RGS7: variants seen among roughly 807,000 people sequenced by gnomAD.
RGS7 encodes regulator of G protein signaling 7, also known as regulator of G-protein signaling 7.
A neutral mutation model predicts 81.1 loss-of-function variants in RGS7; 27 were observed. The observed-to-expected ratio is 0.33, with a 90% CI of 0.25 to 0.46. RGS7 has a LOEUF of 0.46. RGS7 is among the 20% of genes least tolerant of loss of function. RGS7 has a pLI of 1.00. For synonymous variants in RGS7, 208 were observed against 207.7 expected (o/e 1.00, Z -0.01); for missense variants, 396 against 607.4 (o/e 0.65, Z 3.66).
At chr1:241,046,769 TATCATCTGTAGACAGATG>T (rs894639442) in intron 3 of RGS7, among the ~76,000 whole-genome samples, 11 of 152,198 alleles carry the variant, frequency 7.2e-5, no homozygotes, top group African/African-American at 2.7e-4. Context: ...ATGCCATATA[TATCATCTGTAGACAGATG>T]ATTTTTCTGC....
At chr1:241,327,563 T>A (rs1315687221) in intron 2 of RGS7, among the ~76,000 whole-genome samples, 1 of 152,150 alleles carries the variant, frequency 6.6e-6, no homozygotes, top group Non-Finnish European at 1.5e-5. Context: ...AGTAGCAGCA[T>A]CAAGAACTAG....
intron 18 of RGS7, among the ~76,000 whole-genome samples, chr1:240,786,277 T>C (rs752095916): frequency 1.1e-4 from 17 of 152,182 alleles, no homozygotes; most frequent in Non-Finnish European, 1.6e-4. Context: ...GATACATGTT[T>C]AAAATTTTTT....
At chr1:240,947,441 G>A (rs577380556) in intron 4 of RGS7, among the ~76,000 whole-genome samples, 21 of 152,010 alleles carry the variant, frequency 1.4e-4, no homozygotes, top group Non-Finnish European at 2.4e-4. Flanking sequence ...CACTCTTCTC[G>A]CAGTTCTTCT....
At chr1:241,030,859 G>A (rs1572360090) in intron 3 of RGS7, among the ~76,000 whole-genome samples, 1 of 152,166 alleles carries the variant, frequency 6.6e-6, no homozygotes, top group Admixed American at 6.6e-5. Context: ...GCTGTGATCA[G>A]GCGATGGTAG....
chr1:240,861,745 T>TG (rs1687587535), intron 9 of RGS7, among the ~76,000 whole-genome samples: 1 of 152,098 alleles, frequency 6.6e-6, no homozygotes, highest in African/African-American at 2.4e-5. Context: ...AATTTTTTTT[T>TG]GTTCTTGCTT....
intron 3 of RGS7, among the ~76,000 whole-genome samples, chr1:240,983,644 G>A (rs1685246985): frequency 6.6e-6 from 1 of 152,122 alleles, no homozygotes. Flanking sequence ...CTATTTTTAA[G>A]ACACTCAAGA....
rs1304753830 is a variant in RGS7, at chr1:240,977,013, C to CTCTATCATTTATCTATCTATCA, written c.226+6044_226+6065dup. On this transcript the variant is annotated intron_variant, in intron 4 of 18. Coordinates refer to ENST00000440928, the MANE Select transcript of RGS7 (RefSeq NM_001364886.1). ...CATTTATCTATCATCTATCATTTAT[C>CTCTATCATTTATCTATCTATCA]TCTATCATTTATCTATCTATCATCT... Among the ~76,000 whole-genome samples the CTCTATCATTTATCTATCTATCA allele has an allele frequency of 1.2e-3, 180 of 148,140 alleles. 2 individuals carry two copies. The highest frequency in any genetic ancestry group is 4.3e-3 in the African/African-American group (165 of 38,346).
intron 14 of RGS7, among the ~76,000 whole-genome samples, chr1:240,809,190 A>G (rs1330004201): frequency 6.6e-6 from 1 of 152,190 alleles, no homozygotes; most frequent in Non-Finnish European, 1.5e-5. Context: ...GCTCAAAAAA[A>G]AGAATGAGGG....
At chr1:241,237,854 G>C (rs1949682) in intron 2 of RGS7, among the ~76,000 whole-genome samples, 38,411 of 152,092 alleles carry the variant, frequency 0.25, 4,955 homozygotes, top group South Asian at 0.34. Context: ...TTACTGTGTT[G>C]TAGAATCCTT....
At chr1:241,265,439 C>A (rs1020009364) in intron 2 of RGS7, among the ~76,000 whole-genome samples, 3 of 44,594 alleles carry the variant, frequency 6.7e-5, no homozygotes, top group Non-Finnish European at 1.4e-4. Flanking sequence ...CAAGAAGATA[C>A]AGAGGAAGGT....
chr1:240,952,921 C>T (rs1679802041), intron 4 of RGS7, among the ~76,000 whole-genome samples: 1 of 151,874 alleles, frequency 6.6e-6, no homozygotes, highest in African/African-American at 2.4e-5. Flanking sequence ...TTAGGCAAGG[C>T]AGACTTCATA....
At chr1:240,925,116 C>A (rs261866) in intron 6 of RGS7, among the ~76,000 whole-genome samples, 86,265 of 151,724 alleles carry the variant, frequency 0.57, 24,647 homozygotes, top group Middle Eastern at 0.66. Context: ...TTCTTTTTTT[C>A]AATAATAATT....
intron 3 of RGS7, among the ~76,000 whole-genome samples, chr1:240,996,720 C>T (rs751472097): frequency 2.6e-5 from 4 of 152,096 alleles, no homozygotes; most frequent in Admixed American, 2.6e-4. Flanking sequence ...TTGGGGATAG[C>T]ATGTAGTTGA....
At chr1:241,212,185 C>T (rs1257965668) in intron 2 of RGS7, among the ~76,000 whole-genome samples, 1 of 151,698 alleles carries the variant, frequency 6.6e-6, no homozygotes, top group Non-Finnish European at 1.5e-5. Context: ...ATAACAAATA[C>T]ACATGTAATA....
chr1:240,860,809 C>G (rs1249234249), intron 9 of RGS7, among the ~76,000 whole-genome samples: 1 of 152,088 alleles, frequency 6.6e-6, no homozygotes, highest in African/African-American at 2.4e-5. Flanking sequence ...AGAATCAATT[C>G]TATATCCCAA....
chr1:241,192,050 G>A (rs902022586), intron 2 of RGS7, among the ~76,000 whole-genome samples: 5 of 152,194 alleles, frequency 3.3e-5, no homozygotes, highest in Middle Eastern at 3.2e-3. Flanking sequence ...GAGCAGAGGC[G>A]GGGCCAAACT....
intron 3 of RGS7, among the ~76,000 whole-genome samples, chr1:241,014,713 G>A (rs191202326): frequency 2.0e-5 from 3 of 152,296 alleles, no homozygotes; most frequent in African/African-American, 7.2e-5. Flanking sequence ...TCCTTACCAA[G>A]AGGGAAGTAA....
At chr1:240,840,750 C>T (rs1657804522) in intron 9 of RGS7, among the ~76,000 whole-genome samples, 1 of 152,238 alleles carries the variant, frequency 6.6e-6, no homozygotes. Context: ...TCTTTCACCA[C>T]TGAGGGGTAA....
intron 2 of RGS7, among the ~76,000 whole-genome samples, chr1:241,215,997 C>T (rs1027925917): frequency 3.7e-4 from 56 of 152,198 alleles, no homozygotes; most frequent in Admixed American, 3.0e-3. Context: ...AAAGGCCGGG[C>T]GCGGTGGCTC....
Sources: allele counts gnomAD v4.1 joint callset (sites outside exome capture counted in the v4.1 genomes callset), GRCh38; gene constraint gnomAD v4.1.1; transcripts MANE v1.5; gene names NCBI Gene and HGNC (gene_info 2026-07-23, HGNC 2026-07-21).